POGZ: variants seen among roughly 807,000 people sequenced by gnomAD.
POGZ encodes pogo transposable element derived with ZNF domain.
POGZ carries 17 observed loss-of-function variants against 134.6 expected under a neutral mutation model. The observed-to-expected ratio is 0.13, with a 90% confidence interval of 0.09 to 0.19. POGZ has a LOEUF of 0.19. Among genes scored for constraint, POGZ ranks in the 10% least tolerant of loss-of-function variants. The probability of loss-of-function intolerance (pLI) is 1.00; values close to 1 mark genes in which losing one functional copy is unlikely to be tolerated. For synonymous variants in POGZ, 693 were observed against 657.1 expected, an observed-to-expected ratio of 1.05 and a Z score of -0.84; for missense variants, 1,306 against 1,769.7, an observed-to-expected ratio of 0.74 and a Z score of 4.70.
chr1:151,411,057 A>C (rs1654579240), intron 12 of POGZ, among the ~76,000 whole-genome samples: 1 of 152,220 alleles, frequency 6.6e-6, no homozygotes, highest in Non-Finnish European at 1.5e-5. Context: ...CATTCTCTGC[A>C]GTGCAGGCAG....
At chr1:151,438,878 G>C (rs1381547900) in intron 3 of POGZ, 2 of 151,586 alleles carry the variant, frequency 1.3e-5, no homozygotes, top group African/African-American at 4.9e-5. Context: ...TCCCGTCTCA[G>C]GGAGAAAAAA....
rs1653128080 is a variant in POGZ, at chr1:151,403,893, GGGAA to G, written c.*905_*908del. 2 of 985,328 alleles carry G rather than the reference GGGAA, an allele frequency of 2.0e-6. No homozygotes were observed. Among genetic ancestry groups the G allele is most frequent in the South Asian group, 9.4e-5 (2 of 21,292 alleles). The allele number at this position is 985,328 out of a possible 1,614,324, so 61.0% of individuals were successfully genotyped here. ...GGCTTACAGGATGAAGACTCAAACTGGGAATGGCTTCCACCCTAAAACTGTTTGA... is the reference window on the plus strand; with the variant it reads ...GGCTTACAGGATGAAGACTCAAACTGTGGCTTCCACCCTAAAACTGTTTGA... On this transcript the variant is annotated 3_prime_UTR_variant, in exon 19 of 19. Transcript: ENST00000271715.
chr1:151,432,280 T>G (rs908632426), intron 3 of POGZ, among the ~76,000 whole-genome samples: 3 of 152,102 alleles, frequency 2.0e-5, no homozygotes, highest in African/African-American at 7.2e-5. Flanking sequence ...CCCTCTGAAA[T>G]GTATGTTCCA....
At chr1:151,449,874 G>T (rs906674938) in intron 1 of POGZ, among the ~76,000 whole-genome samples, 1 of 152,282 alleles carries the variant, frequency 6.6e-6, no homozygotes, top group East Asian at 1.9e-4. Flanking sequence ...GAGACAGTGC[G>T]AGACTCCGTC....
intron 5 of POGZ, among the ~76,000 whole-genome samples, chr1:151,428,671 T>C (rs1049199844): frequency 6.6e-6 from 1 of 152,202 alleles, no homozygotes; most frequent in Non-Finnish European, 1.5e-5. Flanking sequence ...GCCTTTTTAA[T>C]TCTAAGAATA....
chr1:151,405,758 G>T lies in POGZ; in HGVS notation c.3277C>A (p.Leu1093Ile). Residue 1093 changes from leucine to isoleucine, a missense_variant, in exon 19 of 19, where the codon CTA becomes ATA. By Grantham distance (5) the Leu-to-Ile change is conservative. Around this residue, in one of 10 missense-constraint regions of POGZ, gnomAD observed 161 missense variants for 185.4 expected, o/e 0.87. Transcript: ENST00000271715. The surrounding 1 kb of genome is among the most constrained non-coding windows in gnomAD (Gnocchi z 4.9). ...GCATTCTCTGCTACATCCTTAGGTA[G>T]GGTGTGGGCCACAGCTCGCCGGGCA... ...PHARRAVAHT[L>I]PKDVAENAGL... The T allele has an allele frequency of 6.2e-7, 1 of 1,614,200 alleles. No homozygotes were observed. Among genetic ancestry groups the T allele is most frequent in the Non-Finnish European group, 8.5e-7 (1 of 1,180,024 alleles).
At chr1:151,446,702 G>A (rs1233029952) in intron 1 of POGZ, among the ~76,000 whole-genome samples, 1 of 139,336 alleles carries the variant, frequency 7.2e-6, no homozygotes, top group Non-Finnish European at 1.5e-5. Flanking sequence ...GTCGCAGTGA[G>A]CTGAGATCGT....
intron 7 of POGZ, chr1:151,427,324 A>C (rs1170508255): frequency 1.3e-5 from 2 of 157,612 alleles, no homozygotes; most frequent in Admixed American, 1.2e-4. Context: ...AGCCATGCTC[A>C]TTCGTTTATG....
chr1:151,424,408 C>T lies in POGZ; in HGVS notation c.1186-122G>A, dbSNP rs566643436. ...CAGGTATTCTCATTCAGCTTTCACC[C>T]TTCAGTTTTTTTTAGCGTTTCCAAG... On this transcript the variant is annotated intron_variant, in intron 8 of 18. Coordinates refer to ENST00000271715, the MANE Select transcript of POGZ (RefSeq NM_015100.4). 382 of 639,194 alleles carry T rather than the reference C, an allele frequency of 6.0e-4. 7 individuals are homozygous for T. In the South Asian group the frequency reaches 6.8e-3, roughly 11 times the overall value. 39.6% of individuals were successfully genotyped at this position (639,194 alleles called of 1,614,324 possible). A position where few individuals can be genotyped will look rare whatever the true frequency, so the allele number is the denominator to read the frequency against.
intron 3 of POGZ, among the ~76,000 whole-genome samples, chr1:151,439,536 T>C (rs560120134): frequency 6.6e-6 from 1 of 152,298 alleles, no homozygotes; most frequent in East Asian, 1.9e-4. Flanking sequence ...CCAGCAAATC[T>C]CACCTCTAAG....
Position 151,406,393 on chromosome 1 carries a change from G to A in POGZ, c.2642C>T (p.Thr881Ile). Reference protein sequence around the residue: ...KNMYPPPSFPTNKAATVKSAG... With the variant: ...KNMYPPPSFPINKAATVKSAG... The stretch of plus-strand genomic sequence containing the variant: ...AGATTTCACAGTGGCAGCTTTGTTA[G>A]TGGGGAAGGAAGGAGGAGGGTACAT... The change falls in exon 19 of 19, where the codon ACT becomes ATT. Residue 881 changes from threonine to isoleucine, a missense_variant. Transcript: ENST00000271715. 6.3e-7 allele frequency: 1 copy of A among 1,575,926 alleles called. No homozygotes were observed. The highest frequency in any genetic ancestry group is 8.6e-7 in the Non-Finnish European group (1 of 1,162,900).
intron 3 of POGZ, among the ~76,000 whole-genome samples, chr1:151,439,663 G>C (rs971278151): frequency 1.3e-5 from 2 of 152,100 alleles, no homozygotes; most frequent in Admixed American, 6.5e-5. Context: ...TCAACAATGG[G>C]GAATGCACAT....
Position 151,403,591 on chromosome 1 carries a change from A to G in POGZ, c.*1211T>C, listed in dbSNP as rs12566457. On this transcript the variant is annotated 3_prime_UTR_variant, in exon 19 of 19. Coordinates refer to ENST00000271715, the MANE Select transcript of POGZ (RefSeq NM_015100.4). ...ATCCCTCATGCAAATTGTAGAAAAA[A>G]TTTTCTTTCCTTGAAGCTGGCAGTG... 0.019 allele frequency: 18,263 copies of G among 985,364 alleles called. 1,855 individuals are homozygous for G. In the East Asian group the frequency reaches 0.43, roughly 23 times the overall value. The allele number at this position is 985,364 out of a possible 1,614,324, so 61.0% of individuals were successfully genotyped here.
At chr1:151,412,226 T>A in intron 11 of POGZ, 70 bp downstream of exon 11, 1 of 794,524 alleles carries the variant, frequency 1.3e-6, no homozygotes, top group South Asian at 1.5e-5. Flanking sequence ...TCAACAATAT[T>A]CATTAGTAAA....
At chr1:151,444,861 T>C (rs1661044245) in intron 1 of POGZ, among the ~76,000 whole-genome samples, 3 of 152,136 alleles carry the variant, frequency 2.0e-5, no homozygotes, top group Admixed American at 2.0e-4. Flanking sequence ...CTACAAATTT[T>C]TTTTTAAAAA....
intron 15 of POGZ, 33 bp from the exon 16 acceptor site, chr1:151,407,324 G>C: frequency 6.7e-7 from 1 of 1,496,860 alleles, no homozygotes; most frequent in South Asian, 1.2e-5. Flanking sequence ...ATGAGTTACG[G>C]AGTTCTGCTG....
chr1:151,411,775 A>G lies in POGZ; in HGVS notation c.1780-4T>C, dbSNP rs754723963. 1 of 1,609,900 alleles carries G rather than the reference A, an allele frequency of 6.2e-7. No individual in the cohort carries two copies. Among genetic ancestry groups the G allele is most frequent in the South Asian group, 1.1e-5 (1 of 90,218 alleles). ...GTGAGGAGCGATATTGACACACCTG[A>G]GTCACATAGGAGGGAAAATAAGGCT... On this transcript the variant is annotated splice_polypyrimidine_tract_variant and splice_region_variant and intron_variant, in intron 11 of 18. Transcript: ENST00000271715.
At position 151,423,527 on chromosome 1, in the gene POGZ, G is replaced by C; in HGVS notation, c.1548C>G (p.His516Gln). 6.2e-7 allele frequency: 1 copy of C among 1,613,702 alleles called. No individual in the cohort carries two copies. The highest frequency in any genetic ancestry group is 8.5e-7 in the Non-Finnish European group (1 of 1,179,674). Residue 516 changes from histidine to glutamine, a missense_variant, in exon 10 of 19, where the codon CAC becomes CAG. His to Gln is a conservative substitution (Grantham distance 24). Transcript: ENST00000271715. ...CACCGTTCTGCTGATCGAGTTCTAC[G>C]TGGTGTTTCATATGGTTCATGAATC... ...NIRFMNHMKH[H>Q]VELDQQNGEV... is the part of the protein sequence containing the mutation.
Position 151,404,735 on chromosome 1 carries a change from C to G in POGZ, c.*67G>C, listed in dbSNP as rs569625425. 4.6e-6 allele frequency: 7 copies of G among 1,508,158 alleles called. No homozygotes were observed. In the South Asian group the frequency reaches 8.3e-5, roughly 18 times the overall value. The allele number at this position is 1,508,158 out of a possible 1,614,324, so 93.4% of individuals were successfully genotyped here. On this transcript the variant is annotated 3_prime_UTR_variant, in exon 19 of 19. Transcript: ENST00000271715. ...ACCCCACCTGGTATGCCCCCTTTTCCCTAAGCCCCTTTACCCTCCCTCACA... is the reference window on the plus strand; with the variant it reads ...ACCCCACCTGGTATGCCCCCTTTTCGCTAAGCCCCTTTACCCTCCCTCACA...
Sources: allele counts gnomAD v4.1 joint callset (sites outside exome capture counted in the v4.1 genomes callset), GRCh38; gene constraint gnomAD v4.1.1; regional missense constraint gnomAD v4.1.1; non-coding constraint Gnocchi (gnomAD v3.1); transcripts MANE v1.5; gene names NCBI Gene and HGNC (gene_info 2026-07-23, HGNC 2026-07-21).